TMEM150C: variants seen among roughly 807,000 people sequenced by gnomAD.
TMEM150C encodes the protein transmembrane protein 150C.
In TMEM150C, 10 loss-of-function variants were observed where a neutral mutation model predicts 29.9. That is an observed-to-expected ratio of 0.33 (90% CI 0.21 to 0.57). TMEM150C has a LOEUF of 0.57. Among genes scored for constraint, TMEM150C ranks in the 20% least tolerant of loss-of-function variants. TMEM150C has a pLI of 0.88. For synonymous variants in TMEM150C, 101 were observed against 112.5 expected, an observed-to-expected ratio of 0.90 and a Z score of 0.64; for missense variants, 251 against 303.6, an observed-to-expected ratio of 0.83 and a Z score of 1.29.
At chr4:82,494,553 AAAGGT>A (rs1211141752) in intron 6 of TMEM150C, among the ~76,000 whole-genome samples, 1 of 152,194 alleles carries the variant, frequency 6.6e-6, no homozygotes, top group Non-Finnish European at 1.5e-5. Flanking sequence ...GGTTTGCTAG[AAAGGT>A]ACATTAGGAT....
intron 1 of TMEM150C, among the ~76,000 whole-genome samples, chr4:82,510,446 A>T (rs901466760): frequency 6.6e-6 from 1 of 151,910 alleles, no homozygotes; most frequent in Non-Finnish European, 1.5e-5. Context: ...TAGTTCACAG[A>T]CTCTGGAGCC....
chr4:82,542,490 C>G (rs1725230323), intron 1 of TMEM150C, among the ~76,000 whole-genome samples: 1 of 152,092 alleles, frequency 6.6e-6, no homozygotes, highest in South Asian at 2.1e-4. Flanking sequence ...TGCAGGGAGA[C>G]CTTGTGAAAG....
At position 82,519,311 on chromosome 4, in the gene TMEM150C, C is replaced by T. The variant is rs78860059; in HGVS notation, c.-10-14644G>A. ...CCCCATGGTGAATGCTGTAGTACCC[C>T]CTTATCCACAAAGGACACACACATT... On this transcript the variant is annotated intron_variant, in intron 1 of 7. Coordinates refer to ENST00000449862, the MANE Select transcript of TMEM150C (RefSeq NM_001080506.3). 2.1e-3 allele frequency among the ~76,000 whole-genome samples: 317 copies of T among 152,266 alleles called. 1 individual carries two copies. The highest frequency in any genetic ancestry group is 7.4e-3 in the African/African-American group (306 of 41,556).
At chr4:82,526,795 G>A (rs927555329) in intron 1 of TMEM150C, among the ~76,000 whole-genome samples, 1 of 151,998 alleles carries the variant, frequency 6.6e-6, no homozygotes, top group Non-Finnish European at 1.5e-5. Flanking sequence ...CCTCGCTTTC[G>A]ATCTTTACTG....
chr4:82,532,425 C>G (rs1333694197), intron 1 of TMEM150C, among the ~76,000 whole-genome samples: 1 of 152,088 alleles, frequency 6.6e-6, no homozygotes, highest in Non-Finnish European at 1.5e-5. Flanking sequence ...AAGGAAACCA[C>G]GAGGGTGACA....
chr4:82,503,242 C>A (rs1723794005), intron 2 of TMEM150C, 130 bp from the exon 3 acceptor site: 2 of 685,922 alleles, frequency 2.9e-6, no homozygotes, highest in Non-Finnish European at 4.9e-6. Context: ...TTTTACAATT[C>A]TTTACCCATA....
chr4:82,557,812 C>T (rs911056087), intron 1 of TMEM150C, among the ~76,000 whole-genome samples: 5 of 150,186 alleles, frequency 3.3e-5, no homozygotes, highest in African/African-American at 1.2e-4. Context: ...TGGCTCACTG[C>T]AACCTCTGCC....
chr4:82,545,150 A>G (rs1208141408), intron 1 of TMEM150C, among the ~76,000 whole-genome samples: 1 of 152,234 alleles, frequency 6.6e-6, no homozygotes, highest in Non-Finnish European at 1.5e-5. Flanking sequence ...GTCCTCAACA[A>G]AATACTAGCA....
At chr4:82,491,445 T>C in intron 6 of TMEM150C, 1 of 686,424 alleles carries the variant, frequency 1.5e-6, no homozygotes, top group South Asian at 1.5e-5. Context: ...TGTCTGCCAC[T>C]GCAACCTGAT....
At chr4:82,500,634 G>A (rs1341912765) in intron 5 of TMEM150C, among the ~76,000 whole-genome samples, 1 of 152,100 alleles carries the variant, frequency 6.6e-6, no homozygotes, top group Non-Finnish European at 1.5e-5. Context: ...TCTGGAAGAG[G>A]GGATCTTGCT....
intron 1 of TMEM150C, among the ~76,000 whole-genome samples, chr4:82,539,252 G>A (rs1725119231): frequency 6.6e-6 from 1 of 152,006 alleles, no homozygotes; most frequent in African/African-American, 2.4e-5. Flanking sequence ...AACAAAATTA[G>A]GATGAATGAA....
intron 1 of TMEM150C, 55 bp downstream of exon 1, chr4:82,561,851 G>A (rs1320037929): frequency 5.2e-5 from 51 of 978,168 alleles, no homozygotes; most frequent in Non-Finnish European, 5.7e-5. Flanking sequence ...GGGCCGGGCC[G>A]GACGCCCCCT....
intron 1 of TMEM150C, among the ~76,000 whole-genome samples, chr4:82,534,426 AAAAT>A (rs755928132): frequency 5.9e-5 from 9 of 152,238 alleles, no homozygotes; most frequent in Non-Finnish European, 7.3e-5. Context: ...TGTACTTGCA[AAAAT>A]AATTAGAAGA....
chr4:82,496,248 C>A, intron 5 of TMEM150C, 53 bp from the exon 6 acceptor site: 3 of 1,511,486 alleles, frequency 2.0e-6, no homozygotes, highest in Non-Finnish European at 2.7e-6. Flanking sequence ...CACACCTAGA[C>A]TGTGAGGCAG....
chr4:82,540,205 G>A (rs562385428), intron 1 of TMEM150C, among the ~76,000 whole-genome samples: 11 of 129,640 alleles, frequency 8.5e-5, no homozygotes, highest in Non-Finnish European at 1.5e-4. Context: ...TAACCTTCTG[G>A]GCTCAAGTGA....
intron 1 of TMEM150C, among the ~76,000 whole-genome samples, chr4:82,508,253 T>C (rs542853360): frequency 1.5e-4 from 23 of 152,236 alleles, no homozygotes; most frequent in Non-Finnish European, 2.6e-4. Flanking sequence ...TTTCCCTCTT[T>C]AAGGAAAGAG....
chr4:82,519,546 C>T (rs1217171658), intron 1 of TMEM150C, among the ~76,000 whole-genome samples: 1 of 152,102 alleles, frequency 6.6e-6, no homozygotes, highest in Non-Finnish European at 1.5e-5. Flanking sequence ...CTGCCTCAGC[C>T]TCCCCAAGTA....
At position 82,488,601 on chromosome 4, in the gene TMEM150C, T is replaced by C. The variant is rs1578117865; in HGVS notation, c.541+1460A>G. On this transcript the variant is annotated intron_variant, in intron 7 of 7. Transcript: ENST00000449862. ...GCCTTACTGGAGTGAACACTTCTTT[T>C]ATTTTTGCCTTTTATTTTATTTTAT... is the stretch of plus-strand genomic sequence containing the variant. 2.0e-5 allele frequency among the ~76,000 whole-genome samples: 3 copies of C among 152,220 alleles called. No individual in the cohort carries two copies. The South Asian group carries it at 6.2e-4, about 32-fold the overall frequency.
At position 82,485,674 on chromosome 4, in the gene TMEM150C, A is replaced by G; in HGVS notation, c.587T>C (p.Val196Ala). The G allele has an allele frequency of 6.2e-7, 1 of 1,609,622 alleles. No individual in the cohort carries two copies. The highest frequency in any genetic ancestry group is 2.2e-5 in the East Asian group (1 of 44,778). Reference sequence around the variant, plus strand: ...GAAGCACATGACCAGGCCCCACTGGACCCTGGCTGCATACATGTGGATGCT... The same window carrying G: ...GAAGCACATGACCAGGCCCCACTGGGCCCTGGCTGCATACATGTGGATGCT... ...AQSIHMYAAR[V>A]QWGLVMCFLS... The change falls in exon 8 of 8, where the codon GTC (valine) becomes GCC (alanine). Residue 196 changes from valine to alanine, a missense_variant. Transcript: ENST00000449862.
Sources: gnomAD v4.1 joint callset for allele counts (sites outside exome capture counted in the v4.1 genomes callset) on GRCh38, gnomAD v4.1.1 for gene constraint, MANE v1.5 for transcripts, NCBI Gene and HGNC (gene_info 2026-07-23, HGNC 2026-07-21) for gene names.